The following TENM3 variants were observed in gnomAD, a reference collection of about 807,000 sequenced individuals.
TENM3 encodes teneurin transmembrane protein 3, also known as teneurin-3.
A neutral mutation model predicts 255.1 loss-of-function variants in TENM3; 63 were observed. The ratio of observed to expected loss-of-function variants is 0.25; its 90% CI spans 0.20 to 0.30. TENM3 has a LOEUF of 0.30. TENM3 is among the 10% of genes least tolerant of loss of function. The pLI is 1.00. For missense variants in TENM3, 2,929 were observed against 3,461.1 expected (o/e 0.85, Z 3.86); for synonymous variants, 1,306 against 1,322.3 (o/e 0.99, Z 0.27).
At chr4:182,265,561 C>T (rs1221791888) in intron 1 of TENM3, among the ~76,000 whole-genome samples, 3 of 152,246 alleles carry the variant, frequency 2.0e-5, no homozygotes, top group Middle Eastern at 3.4e-3. Context: ...CCTTCAGCTG[C>T]TTATTTGCTT....
At chr4:182,276,912 A>T (rs1024427228) in intron 1 of TENM3, among the ~76,000 whole-genome samples, 1 of 152,258 alleles carries the variant, frequency 6.6e-6, no homozygotes, top group Admixed American at 6.5e-5. Context: ...AACTCAGCTC[A>T]GTCCTGTAAA....
intron 3 of TENM3, among the ~76,000 whole-genome samples, chr4:182,519,671 C>T (rs918669972): frequency 1.3e-5 from 2 of 152,142 alleles, no homozygotes; most frequent in African/African-American, 2.4e-5. Flanking sequence ...TAGCACAGTA[C>T]ATCTCTTCAA....
the TENM3 span, among the ~76,000 whole-genome samples, chr4:181,973,137 T>C: frequency 1.3e-5 from 2 of 152,186 alleles, no homozygotes; most frequent in East Asian, 3.9e-4. Flanking sequence ...CCTGACATCA[T>C]TGAAAGAATA....
intron 3 of TENM3, among the ~76,000 whole-genome samples, chr4:182,464,234 T>C (rs200616051): frequency 6.6e-6 from 1 of 151,152 alleles, no homozygotes; most frequent in Non-Finnish European, 1.5e-5. Flanking sequence ...TTATAACTTA[T>C]CAGATTTAAC....
chr4:182,109,698 C>G, the TENM3 span, among the ~76,000 whole-genome samples: 2 of 152,212 alleles, frequency 1.3e-5, no homozygotes, highest in African/African-American at 4.8e-5. Context: ...CCGAATTTCA[C>G]TTTCTCCCAT....
At chr4:181,898,035 C>A in the TENM3 span, among the ~76,000 whole-genome samples, 1 of 152,166 alleles carries the variant, frequency 6.6e-6, no homozygotes, top group Non-Finnish European at 1.5e-5. Flanking sequence ...TCTCTAACAA[C>A]TGCAGTCAAT....
chr4:181,456,747 G>T, the TENM3 span, among the ~76,000 whole-genome samples: 2 of 151,780 alleles, frequency 1.3e-5, no homozygotes, highest in African/African-American at 2.4e-5. Context: ...AAAATTTTCT[G>T]TTTACAATAT....
At chr4:181,756,561 G>C in the TENM3 span, among the ~76,000 whole-genome samples, 1 of 152,176 alleles carries the variant, frequency 6.6e-6, no homozygotes, top group Non-Finnish European at 1.5e-5. Flanking sequence ...CTGTCGGATG[G>C]GGTTAGGTTT....
intron 1 of TENM3, among the ~76,000 whole-genome samples, chr4:182,210,842 A>G (rs17235597): frequency 0.23 from 35,040 of 151,988 alleles, 4,391 homozygotes; most frequent in Middle Eastern, 0.31. Context: ...CTCTCAGTCT[A>G]GGTACCCTCT....
At chr4:181,860,343 A>T in the TENM3 span, among the ~76,000 whole-genome samples, 10 of 152,172 alleles carry the variant, frequency 6.6e-5, no homozygotes, top group Admixed American at 6.5e-4. Context: ...CCAGAAGAGT[A>T]AAGCCAGACA....
At chr4:181,770,507 T>C in the TENM3 span, among the ~76,000 whole-genome samples, 1 of 151,974 alleles carries the variant, frequency 6.6e-6, no homozygotes, top group African/African-American at 2.4e-5. Flanking sequence ...ACCCCGTCTC[T>C]ACTAAAAATG....
chr4:182,328,035 A>G (rs1367523148), intron 2 of TENM3, among the ~76,000 whole-genome samples: 1 of 152,238 alleles, frequency 6.6e-6, no homozygotes, highest in East Asian at 1.9e-4. Flanking sequence ...GGAAGTAAGA[A>G]TACATTTGTT....
intron 1 of TENM3, among the ~76,000 whole-genome samples, chr4:182,185,249 A>G (rs533350676): frequency 1.3e-5 from 2 of 152,274 alleles, no homozygotes; most frequent in African/African-American, 4.8e-5. Context: ...TCTCAGTTCT[A>G]TTAACTTTAG....
intron 1 of TENM3, among the ~76,000 whole-genome samples, chr4:182,278,481 A>G (rs1181115125): frequency 6.6e-6 from 1 of 152,174 alleles, no homozygotes. Context: ...ACTAAGAACT[A>G]TCTGCTGGGG....
intron 1 of TENM3, among the ~76,000 whole-genome samples, chr4:182,290,406 T>C (rs1449639901): frequency 6.6e-6 from 1 of 152,188 alleles, no homozygotes; most frequent in Non-Finnish European, 1.5e-5. Flanking sequence ...AATTTATCTC[T>C]ACAATGCCTA....
At chr4:182,140,677 C>T (rs1308214341), upstream of TENM3, among the ~76,000 whole-genome samples, 1 of 152,164 alleles carries the variant, frequency 6.6e-6, no homozygotes, top group East Asian at 1.9e-4. Context: ...GAAGTGGCTG[C>T]GGAGACCCTC....
At chr4:182,363,049 G>GCTC (rs746605198) in intron 3 of TENM3, among the ~76,000 whole-genome samples, 2 of 152,164 alleles carry the variant, frequency 1.3e-5, no homozygotes, top group Non-Finnish European at 2.9e-5. Flanking sequence ...TGATGGAACT[G>GCTC]AGCGACCATG....
intron 12 of TENM3, among the ~76,000 whole-genome samples, chr4:182,696,079 A>G (rs2152619510): frequency 6.6e-6 from 1 of 152,318 alleles, no homozygotes; most frequent in Non-Finnish European, 1.5e-5. Context: ...AAAACTCAAA[A>G]TAGTCTACTC....
chr4:182,186,625 T>C (rs868377124), intron 1 of TENM3, among the ~76,000 whole-genome samples: 5 of 150,966 alleles, frequency 3.3e-5, no homozygotes, highest in African/African-American at 1.2e-4. Context: ...ACAGCCAATG[T>C]ATTGACTTCT....
Sources: gnomAD v4.1 joint callset for allele counts (sites outside exome capture counted in the v4.1 genomes callset) on GRCh38, gnomAD v4.1.1 for gene constraint, MANE v1.5 for transcripts, NCBI Gene and HGNC (gene_info 2026-07-23, HGNC 2026-07-21) for gene names.